C4orf50: variants seen among roughly 807,000 people sequenced by gnomAD.
C4orf50 encodes the protein uncharacterized protein C4orf50.
A neutral mutation model predicts 77.2 loss-of-function variants in C4orf50; 80 were observed. The ratio of observed to expected loss-of-function variants is 1.04; its 90% confidence interval spans 0.87 to 1.25. C4orf50 has a LOEUF of 1.25. C4orf50 is among the 50% of genes most tolerant of loss of function. The pLI is 0.00. For missense variants in C4orf50, 1,257 were observed against 1,152.9 expected, an observed-to-expected ratio of 1.09 and a Z score of -1.31; for synonymous variants, 532 against 465.3, an observed-to-expected ratio of 1.14 and a Z score of -1.84.
At chr4:5,965,276 G>C (rs1446807242) in intron 32 of C4orf50, 131 bp from the exon 11 acceptor site, 1 of 893,576 alleles carries the variant, frequency 1.1e-6, no homozygotes, top group Non-Finnish European at 1.7e-6. Context: ...CCATGCCCCG[G>C]GGCAGAGGTC....
At position 5,973,904 on chromosome 4, in the gene C4orf50, G is replaced by A. The variant is rs1720097987; in HGVS notation, c.3922-63C>T. 4.4e-6 allele frequency: 6 copies of A among 1,377,282 alleles called. No individual in the cohort carries two copies. In the South Asian group the frequency reaches 7.0e-5, roughly 16 times the overall value. 85.3% of individuals were successfully genotyped at this position (1,377,282 alleles called of 1,614,324 possible). Reference sequence around the variant, plus strand: ...CAGGGCTGCATGGCTGAGCTGGAGGGCTGGGGGCCGGAGGGTCAGCTGAGG... The same window carrying A: ...CAGGGCTGCATGGCTGAGCTGGAGGACTGGGGGCCGGAGGGTCAGCTGAGG... On this transcript the variant is annotated intron_variant, in intron 30 of 33. Transcript: ENST00000531445.
chr4:5,921,411 G>A (rs1195076446), intron 7 of C4orf50, among the ~76,000 whole-genome samples: 2 of 152,228 alleles, frequency 1.3e-5, no homozygotes, highest in Non-Finnish European at 2.9e-5. Flanking sequence ...ATACACACAT[G>A]CGTGTCTGCA....
intron 7 of C4orf50, among the ~76,000 whole-genome samples, chr4:5,926,524 T>G (rs547142212): frequency 9.2e-5 from 14 of 152,262 alleles, no homozygotes; most frequent in African/African-American, 3.4e-4. Flanking sequence ...AAATTAGTGG[T>G]GATGGTGGCA....
chr4:5,972,037 G>C (rs190365257), intron 31 of C4orf50, among the ~76,000 whole-genome samples: 3 of 144,736 alleles, frequency 2.1e-5, no homozygotes, highest in Non-Finnish European at 4.5e-5. Flanking sequence ...ACACAGTCTT[G>C]CTCTGTCACC....
intron 23 of C4orf50, among the ~76,000 whole-genome samples, chr4:6,016,709 G>C (rs1264560306): frequency 6.6e-6 from 1 of 152,182 alleles, no homozygotes; most frequent in African/African-American, 2.4e-5. Context: ...ATGACTCTCG[G>C]AGGGTAAGTG....
At chr4:6,016,717 G>C (rs144818969) in intron 23 of C4orf50, among the ~76,000 whole-genome samples, 1 of 152,292 alleles carries the variant, frequency 6.6e-6, no homozygotes, top group Non-Finnish European at 1.5e-5. Flanking sequence ...CGGAGGGTAA[G>C]TGCGTTGCAG....
rs901012036 is a variant in C4orf50, at chr4:5,970,919, A to C, written c.4104+2740T>G. On this transcript the variant is annotated intron_variant, in intron 31 of 33. Transcript: ENST00000531445. The surrounding 1 kb of genome is among the most constrained non-coding windows in gnomAD (Gnocchi z 4.3). The stretch of plus-strand genomic sequence containing the variant: ...AGCGTGCGAGGGGGAGGGCAGCATG[A>C]GTCTTGGCCACCATGACTTGGCTGG... Among the ~76,000 whole-genome samples, 1 of 152,130 alleles carries C rather than the reference A, an allele frequency of 6.6e-6. No individual in the cohort carries two copies. Among genetic ancestry groups the C allele is most frequent in the Non-Finnish European group, 1.5e-5 (1 of 67,996 alleles).
intron 7 of C4orf50, among the ~76,000 whole-genome samples, chr4:5,948,391 G>A (rs773008132): frequency 1.9e-4 from 29 of 152,226 alleles, no homozygotes; most frequent in East Asian, 3.9e-4. Context: ...AGGGCTGGGC[G>A]TGGTGGCTTA....
chr4:5,994,202 C>T, intron 26 of C4orf50, 145 bp downstream of exon 4: 1 of 394,514 alleles, frequency 2.5e-6, no homozygotes, highest in African/African-American at 2.1e-5. Context: ...GGGACCCTAC[C>T]TCTCTGAGCC....
At chr4:6,001,590 C>G (rs1217142823) in intron 25 of C4orf50, among the ~76,000 whole-genome samples, 1 of 152,206 alleles carries the variant, frequency 6.6e-6, no homozygotes, top group Non-Finnish European at 1.5e-5. Context: ...CATCTGCTTG[C>G]CGCCTCACAG....
At chr4:5,934,048 G>A (rs140512438) in intron 7 of C4orf50, among the ~76,000 whole-genome samples, 84 of 152,190 alleles carry the variant, frequency 5.5e-4, no homozygotes, top group Middle Eastern at 3.4e-3. Flanking sequence ...GAGCAGCAGC[G>A]TGGTGTAGGG....
At chr4:5,963,289 C>A (rs1382844191) in intron 33 of C4orf50, among the ~76,000 whole-genome samples, 2 of 152,074 alleles carry the variant, frequency 1.3e-5, no homozygotes, top group Non-Finnish European at 2.9e-5. Context: ...GCCACTGCGC[C>A]CAGCCTGCCT....
intron 7 of C4orf50, among the ~76,000 whole-genome samples, chr4:5,925,970 G>A (rs1345744896): frequency 1.3e-5 from 2 of 152,226 alleles, no homozygotes; most frequent in Non-Finnish European, 2.9e-5. Flanking sequence ...ACTGTAGGCA[G>A]AGAGGGGTTC....
At chr4:5,987,744 G>A (rs950607909) in intron 28 of C4orf50, among the ~76,000 whole-genome samples, 19 of 152,138 alleles carry the variant, frequency 1.2e-4, no homozygotes, top group African/African-American at 3.6e-4. Flanking sequence ...GGGTCTCAAC[G>A]CTAAATATCC....
At chr4:5,945,441 C>T (rs1289089468) in intron 7 of C4orf50, among the ~76,000 whole-genome samples, 1 of 152,188 alleles carries the variant, frequency 6.6e-6, no homozygotes, top group Non-Finnish European at 1.5e-5. Context: ...AGTGCCAGCA[C>T]CCGGGAGAGG....
chr4:5,955,712 G>A (rs936831316), downstream of C4orf50, among the ~76,000 whole-genome samples: 5 of 152,152 alleles, frequency 3.3e-5, no homozygotes, highest in African/African-American at 1.2e-4. The surrounding 1 kb of genome is among the most constrained non-coding windows in gnomAD (Gnocchi z 5.1). Flanking sequence ...TCCCAGCTGA[G>A]GTCACTCCTG....
rs572310092 is a variant in C4orf50 at position 5,975,580 on chromosome 4, C to T, written c.3921+319G>A. Among the ~76,000 whole-genome samples the T allele has an allele frequency of 1.4e-4, 21 of 152,158 alleles. No homozygotes were observed. In the East Asian group the frequency reaches 3.1e-3, roughly 22 times the overall value. ...AAGCTGGAGAGCAGTGACGTGATCT[C>T]GGCTCACTGCAGCCTTGACCTCCTG... On this transcript the variant is annotated intron_variant, in intron 30 of 33. Transcript: ENST00000531445.
intron 7 of C4orf50, among the ~76,000 whole-genome samples, chr4:5,948,494 G>A (rs563302823): frequency 7.2e-5 from 11 of 152,134 alleles, no homozygotes; most frequent in African/African-American, 2.2e-4. Context: ...GTGAAACCCC[G>A]CTTCTACTAA....
chr4:5,942,587 T>G (rs1372122663), intron 7 of C4orf50, among the ~76,000 whole-genome samples: 1 of 152,248 alleles, frequency 6.6e-6, no homozygotes, highest in East Asian at 1.9e-4. Flanking sequence ...GAAAACTTGC[T>G]CTATGCCAGG....
Sources: allele counts gnomAD v4.1 joint callset (sites outside exome capture counted in the v4.1 genomes callset), GRCh38; gene constraint gnomAD v4.1.1; non-coding constraint Gnocchi (gnomAD v3.1); transcripts MANE v1.5; gene names NCBI Gene and HGNC (gene_info 2026-07-23, HGNC 2026-07-21).